The following FMR1 variants were observed in gnomAD, a reference collection of about 807,000 sequenced individuals.
The protein encoded by FMR1 is FMRP translational regulator 1.
In FMR1, 13 loss-of-function variants were observed where a neutral mutation model predicts 50.6. That is an observed-to-expected ratio of 0.26 (90% CI 0.17 to 0.41). FMR1 has a LOEUF of 0.41. FMR1 is among the 10% of genes least tolerant of loss of function. The pLI, the probability that FMR1 is intolerant of heterozygous loss-of-function variation, is 1.00. For missense variants in FMR1, 316 were observed against 491.3 expected (o/e 0.64, Z 3.37); for synonymous variants, 138 against 164.1 (o/e 0.84, Z 1.22).
chrX:147,950,460 A>G lies in FMR1; in HGVS notation c.*1616A>G, dbSNP rs1557183407. On this transcript the variant is annotated 3_prime_UTR_variant, in exon 17 of 17. Transcript: ENST00000370475. ...CATCATCTGTAAGCTGTTTGGTTTT[A>G]AAATACTGTAGATAATTAACCAAGG... is the stretch of plus-strand genomic sequence containing the variant. 1 of 329,986 alleles carries G rather than the reference A, an allele frequency of 3.0e-6. No individual in the cohort carries two copies. The highest frequency in any genetic ancestry group is 3.1e-5 in the Admixed American group (1 of 32,296). The allele number at this position is 329,986 out of a possible 1,213,427, so 27.2% of individuals were successfully genotyped here.
At chrX:147,922,833 G>T (rs1406554469) in intron 2 of FMR1, among the ~76,000 whole-genome samples, 1 of 111,674 alleles carries the variant, frequency 9.0e-6, no homozygotes, top group Non-Finnish European at 1.9e-5. Flanking sequence ...GTGATTGCTT[G>T]TGCTGGGGCT....
chrX:147,939,950 A>G (rs1321142914), intron 12 of FMR1, among the ~76,000 whole-genome samples: 4 of 103,874 alleles, frequency 3.9e-5, no homozygotes, highest in Non-Finnish European at 7.9e-5. Flanking sequence ...TCACGAGGTC[A>G]GGAGATCGAG....
chrX:147,926,517 G>A (rs2043393513), intron 3 of FMR1, among the ~76,000 whole-genome samples: 1 of 110,140 alleles, frequency 9.1e-6, no homozygotes, highest in Admixed American at 9.8e-5. Flanking sequence ...TTGAGATGGA[G>A]TCTCACTCTT....
At chrX:147,935,131 G>T (rs1319603608) in intron 9 of FMR1, among the ~76,000 whole-genome samples, 1 of 111,902 alleles carries the variant, frequency 8.9e-6, no homozygotes, top group Non-Finnish European at 1.9e-5. Context: ...AAGTGTTGCA[G>T]TTTAAAATCA....
Position 147,912,081 on chromosome X carries a change from AGGCGGCGGC to A in FMR1, c.-77_-69del, listed in dbSNP as rs782036637. ...GCGGCGGCGGCGGCGGCGGCGGCGG[AGGCGGCGGC>A]GGCGGCGGCGGCGGCGGCGGCTGGG... On this transcript the variant is annotated 5_prime_UTR_variant, in exon 1 of 17. Transcript: ENST00000370475. 4.5e-4 allele frequency: 129 copies of A among 283,672 alleles called. 1 individual carries two copies. The highest frequency in any genetic ancestry group is 1.3e-3 in the South Asian group (8 of 6,134). The allele number at this position is 283,672 out of a possible 1,213,427, so 23.4% of individuals were successfully genotyped here.
intron 9 of FMR1, 55 bp downstream of exon 9, chrX:147,932,818 GTTTA>G (rs1557178992): frequency 2.4e-5 from 20 of 824,360 alleles, no homozygotes; most frequent in Non-Finnish European, 1.3e-5. Flanking sequence ...TAGGTAAACA[GTTTA>G]TTTATAGTGA....
At position 147,949,890 on chromosome X, in the gene FMR1, TAATC is replaced by T. The variant is rs782439192; in HGVS notation, c.*1047_*1050del. The stretch of plus-strand genomic sequence containing the variant: ...GAAGGTCATTTCCATGTATGCATAA[TAATC>T]CTGCAAAGTACAGGTACTTTGTCTA... On this transcript the variant is annotated 3_prime_UTR_variant, in exon 17 of 17. Transcript: ENST00000370475. The T allele has an allele frequency of 6.5e-5, 21 of 325,293 alleles. No homozygotes were observed. In the East Asian group the frequency reaches 1.9e-3, roughly 29 times the overall value. The allele number at this position is 325,293 out of a possible 1,213,427, so 26.8% of individuals were successfully genotyped here. A position where few individuals can be genotyped will look rare whatever the true frequency, so the allele number is the denominator to read the frequency against.
chrX:147,926,904 A>G (rs782605186), intron 3 of FMR1, among the ~76,000 whole-genome samples: 3 of 111,138 alleles, frequency 2.7e-5, no homozygotes, highest in African/African-American at 6.6e-5. Context: ...GACAGATGTG[A>G]GTCTTAAAGA....
chrX:147,923,778 T>C (rs782114222), intron 2 of FMR1, among the ~76,000 whole-genome samples: 2 of 112,146 alleles, frequency 1.8e-5, no homozygotes, highest in Non-Finnish European at 3.8e-5. Flanking sequence ...GGAGTATGTT[T>C]GCAATACAAC....
intron 2 of FMR1, among the ~76,000 whole-genome samples, chrX:147,924,759 G>A (rs1204127370): frequency 7.5e-5 from 8 of 106,605 alleles, no homozygotes; most frequent in Non-Finnish European, 1.5e-4. Context: ...GCCTGAAGCA[G>A]TGCTCCCACC....
chrX:147,915,039 A>C (rs1393156552), intron 1 of FMR1, among the ~76,000 whole-genome samples: 1 of 111,949 alleles, frequency 8.9e-6, no homozygotes, highest in African/African-American at 3.2e-5. Flanking sequence ...TGGAGACATA[A>C]GATACAAACC....
At chrX:147,945,465 G>C (rs2044141801) in intron 15 of FMR1, 69 bp from the exon 16 acceptor site, 4 of 841,461 alleles carry the variant, frequency 4.8e-6, no homozygotes, top group South Asian at 2.1e-5. Context: ...AGAGGGTGTG[G>C]GAATAAAGAA....
At chrX:147,944,509 G>C in intron 14 of FMR1, 2 of 754,221 alleles carry the variant, frequency 2.7e-6, no homozygotes, top group Non-Finnish European at 3.1e-6. Context: ...TTGTTTATCA[G>C]GGTATCACAC....
intron 13 of FMR1, among the ~76,000 whole-genome samples, chrX:147,941,306 A>G (rs781862015): frequency 1.1e-4 from 12 of 111,743 alleles, no homozygotes; most frequent in African/African-American, 3.9e-4. Context: ...ACTTTAGGCA[A>G]GTCACTTCCC....
chrX:147,932,232 A>G (rs1157486729), intron 7 of FMR1, among the ~76,000 whole-genome samples, 193 bp from the exon 8 acceptor site: 1 of 111,882 alleles, frequency 8.9e-6, no homozygotes, highest in African/African-American at 3.2e-5. Context: ...ATAAAATGTC[A>G]TAGACCTTTA....
At chrX:147,940,546 A>C (rs2043967646) in intron 12 of FMR1, 30 bp from the exon 13 acceptor site, 3 of 958,365 alleles carry the variant, frequency 3.1e-6, no homozygotes, top group Non-Finnish European at 4.5e-6. Flanking sequence ...CATTACTTTT[A>C]TAGGATCATT....
chrX:147,915,266 A>G (rs1215394384), intron 1 of FMR1, among the ~76,000 whole-genome samples: 1 of 112,056 alleles, frequency 8.9e-6, no homozygotes, highest in Admixed American at 9.4e-5. Context: ...TTAGTGGTCT[A>G]ACATGTCATT....
intron 9 of FMR1, 143 bp from the exon 10 acceptor site, chrX:147,936,361 T>C (rs2043789229): frequency 8.9e-6 from 4 of 451,814 alleles, no homozygotes; most frequent in Non-Finnish European, 1.6e-5. Context: ...GTCTCTACTT[T>C]GGTTTTGAAA....
intron 9 of FMR1, among the ~76,000 whole-genome samples, chrX:147,933,078 G>A (rs1471159325): frequency 1.2e-5 from 1 of 81,197 alleles, no homozygotes; most frequent in Non-Finnish European, 2.2e-5. Flanking sequence ...CCCAGAGTGT[G>A]ATGTTCCCCT....
Sources: allele counts gnomAD v4.1 joint callset (sites outside exome capture counted in the v4.1 genomes callset), GRCh38; gene constraint gnomAD v4.1.1; transcripts MANE v1.5; gene names NCBI Gene and HGNC (gene_info 2026-07-23, HGNC 2026-07-21).